The following PRDM9 variants were observed in gnomAD, a reference collection of about 807,000 sequenced individuals.
The protein encoded by PRDM9 is PR/SET domain 9, also known as histone-lysine N-methyltransferase PRDM9.
In PRDM9, 47 loss-of-function variants were observed where a neutral mutation model predicts 55.6. The ratio of observed to expected loss-of-function variants is 0.85; its 90% CI spans 0.67 to 1.08. PRDM9 has a LOEUF of 1.08. PRDM9 is among the 50% of genes least tolerant of loss of function. PRDM9 has a pLI of 0.00. For synonymous variants in PRDM9, 312 were observed against 375.7 expected (o/e 0.83, Z 1.96); for missense variants, 867 against 1,040.3 (o/e 0.83, Z 2.29).
At chr5:23,510,177 C>T in intron 4 of PRDM9, 150 bp downstream of exon 4, 1 of 817,298 alleles carries the variant, frequency 1.2e-6, no homozygotes, top group South Asian at 1.7e-5. Context: ...GCCTCAGCCT[C>T]CCAAGTAACT....
rs375229073 is a variant in PRDM9, at chr5:23,527,685, G to T, written c.2597G>T (p.Gly866Val). Residue 866 changes from glycine to valine, a missense_variant, in exon 11 of 11, where the codon GGG becomes GTG. Around this residue, in one of 5 missense-constraint regions of PRDM9, gnomAD observed 86 missense variants for 73.6 expected, o/e 1.17. Coordinates refer to ENST00000296682, the MANE Select transcript of PRDM9 (RefSeq NM_020227.4). ...AAGCCCTACGTCTGCAGGGAGTGTGGGCGGGGCTTTAGCGATAGGTCAAGC... is the reference window on the plus strand; with the variant it reads ...AAGCCCTACGTCTGCAGGGAGTGTGTGCGGGGCTTTAGCGATAGGTCAAGC... ...GEKPYVCREC[G>V]RGFSDRSSLC... The T allele has an allele frequency of 1.3e-6, 2 of 1,583,608 alleles. No homozygotes were observed. The highest frequency in any genetic ancestry group is 1.7e-6 in the Non-Finnish European group (2 of 1,165,092).
chr5:23,518,022 C>A, intron 5 of PRDM9, 92 bp downstream of exon 5: 1 of 1,159,184 alleles, frequency 8.6e-7, no homozygotes, highest in Non-Finnish European at 1.3e-6. Context: ...ATCATAGGAA[C>A]TAATGCCTTC....
rs780451257 is a variant in PRDM9 at position 23,527,476 on chromosome 5, G to T, written c.2388G>T (p.Arg796Ser). ...RDKSNLLSHQ[R>S]THTGEKPYVC... ...AGTCAAACCTCCTCAGTCACCAGAG[G>T]ACACACACAGGGGAGAAGCCCTATG... Residue 796 changes from arginine to serine, a missense_variant, in exon 11 of 11, where the codon AGG becomes AGT. Physicochemically the swap from Arg to Ser is moderately radical, Grantham distance 110. Around this residue, in one of 5 missense-constraint regions of PRDM9, gnomAD observed 92 missense variants for 185.7 expected, o/e 0.50. Transcript: ENST00000296682. 1 of 1,586,388 alleles carries T rather than the reference G, an allele frequency of 6.3e-7. No homozygotes were observed. The highest frequency in any genetic ancestry group is 1.5e-5 in the African/African-American group (1 of 66,714).
Position 23,527,746 on chromosome 5 carries a change from G to A in PRDM9, c.2658G>A (p.Lys886=), listed in dbSNP as rs1739505371. Residue 886 remains lysine (K), a synonymous_variant, in exon 11 of 11, where the codon AAG becomes AAA. Transcript: ENST00000296682. ...CYHQRTHTGE[K]PYVCREDE is the part of the protein sequence containing the mutation. Reference sequence around the variant, plus strand: ...ACCAGAGGACACACACAGGGGAGAAGCCCTACGTCTGCAGGGAGGATGAGT... The same window carrying A: ...ACCAGAGGACACACACAGGGGAGAAACCCTACGTCTGCAGGGAGGATGAGT... The A allele has an allele frequency of 1.2e-6, 2 of 1,613,786 alleles. No individual in the cohort carries two copies. The highest frequency in any genetic ancestry group is 1.7e-6 in the Non-Finnish European group (2 of 1,179,832).
intron 7 of PRDM9, 55 bp downstream of exon 7, chr5:23,522,460 A>T (rs985344069): frequency 6.3e-7 from 1 of 1,586,040 alleles, no homozygotes; most frequent in African/African-American, 1.3e-5. Flanking sequence ...TGGTGCAATA[A>T]TTTCATCATT....
At position 23,521,003 on chromosome 5, in the gene PRDM9, A is replaced by G. The variant is rs1739315997; in HGVS notation, c.352-20A>G. 1 of 1,613,304 alleles carries G rather than the reference A, an allele frequency of 6.2e-7. No homozygotes were observed. Among genetic ancestry groups the G allele is most frequent in the Non-Finnish European group, 8.5e-7 (1 of 1,179,238 alleles). ...AAAGAAATTCGTGTTGTCTTTTAAT[A>G]TGTGACTCTCACATTAAAGGGAATG... On this transcript the variant is annotated intron_variant, in intron 5 of 10. Coordinates refer to ENST00000296682, the MANE Select transcript of PRDM9 (RefSeq NM_020227.4).
At chr5:23,513,065 G>A (rs1739132010) in intron 4 of PRDM9, among the ~76,000 whole-genome samples, 1 of 152,108 alleles carries the variant, frequency 6.6e-6, no homozygotes, top group African/African-American at 2.4e-5. Context: ...TGTCTATTGT[G>A]AGTAATGCTG....
At position 23,527,710 on chromosome 5, in the gene PRDM9, C is replaced by A. The variant is rs376505927; in HGVS notation, c.2622C>A (p.Ser874Arg). The A allele has an allele frequency of 2.5e-6, 4 of 1,598,656 alleles. No individual in the cohort carries two copies. The highest frequency in any genetic ancestry group is 3.4e-6 in the Non-Finnish European group (4 of 1,172,136). Residue 874 changes from serine (S) to arginine (R), a missense_variant, in exon 11 of 11, where the codon AGC becomes AGA. Ser to Arg is a moderately radical substitution (Grantham distance 110). Around this residue, in one of 5 missense-constraint regions of PRDM9, gnomAD observed 86 missense variants for 73.6 expected, o/e 1.17. Coordinates refer to ENST00000296682, the MANE Select transcript of PRDM9 (RefSeq NM_020227.4). ...ECGRGFSDRS[S>R]LCYHQRTHTG... is the part of the protein sequence containing the mutation. Reference sequence around the variant, plus strand: ...GGCGGGGCTTTAGCGATAGGTCAAGCCTCTGCTATCACCAGAGGACACACA... The same window carrying A: ...GGCGGGGCTTTAGCGATAGGTCAAGACTCTGCTATCACCAGAGGACACACA...
intron 4 of PRDM9, 120 bp from the exon 5 acceptor site, chr5:23,517,761 T>C: frequency 9.9e-7 from 1 of 1,011,606 alleles, no homozygotes; most frequent in Non-Finnish European, 1.5e-6. Flanking sequence ...CACTCCAGCC[T>C]GGGCGACAGA....
intron 6 of PRDM9, among the ~76,000 whole-genome samples, chr5:23,521,540 G>A (rs1456448857): frequency 1.3e-5 from 2 of 152,172 alleles, no homozygotes; most frequent in African/African-American, 4.8e-5. Context: ...GTTTCACCTT[G>A]TTGACCAGGC....
At chr5:23,522,476 C>T in intron 7 of PRDM9, 71 bp downstream of exon 7, 2 of 1,585,710 alleles carry the variant, frequency 1.3e-6, no homozygotes, top group Non-Finnish European at 1.7e-6. Flanking sequence ...TCATTTGGCC[C>T]ACAAATCATT....
chr5:23,521,584 C>T (rs930611931), intron 6 of PRDM9, among the ~76,000 whole-genome samples: 3 of 152,174 alleles, frequency 2.0e-5, no homozygotes, highest in African/African-American at 7.2e-5. Context: ...GAGATCTGCT[C>T]ACTTCAGCCT....
At position 23,522,719 on chromosome 5, in the gene PRDM9, C is replaced by A. The variant is rs1418547546; in HGVS notation, c.716C>A (p.Ala239Asp). The A allele has an allele frequency of 1.2e-6, 2 of 1,614,236 alleles. No individual in the cohort carries two copies. The highest frequency in any genetic ancestry group is 1.1e-5 in the South Asian group (1 of 91,088). The stretch of plus-strand genomic sequence containing the variant: ...GACAAGGGGCACCCCAACCGTTCAG[C>A]CCTCAGTCTGCCCCCAGGGCTGAGA... ...AVDKGHPNRS[A>D]LSLPPGLRIG... is the part of the protein sequence containing the mutation. The change falls in exon 8 of 11, where the codon GCC becomes GAC. Residue 239 changes from alanine to aspartate, a missense_variant. By Grantham distance (126) the Ala-to-Asp change is moderately radical. Around this residue, in one of 5 missense-constraint regions of PRDM9, gnomAD observed 662 missense variants for 711.9 expected, o/e 0.93. Transcript: ENST00000296682.
chr5:23,526,407 A>G lies in PRDM9; in HGVS notation c.1319A>G (p.Gln440Arg). 1 of 1,614,206 alleles carries G rather than the reference A, an allele frequency of 6.2e-7. No individual in the cohort carries two copies. Among genetic ancestry groups the G allele is most frequent in the Non-Finnish European group, 8.5e-7 (1 of 1,180,038 alleles). The part of the protein sequence containing the change: ...PCPGDQNQEQ[Q>R]YPDPHSRNDK... Reference sequence around the variant, plus strand: ...CCAGGGGATCAGAATCAGGAGCAGCAATATCCAGATCCACACAGCCGTAAT... The same window carrying G: ...CCAGGGGATCAGAATCAGGAGCAGCGATATCCAGATCCACACAGCCGTAAT... Residue 440 changes from glutamine to arginine, a missense_variant, in exon 11 of 11, where the codon CAA becomes CGA. Around this residue, in one of 5 missense-constraint regions of PRDM9, gnomAD observed 662 missense variants for 711.9 expected, o/e 0.93. Transcript: ENST00000296682.
intron 3 of PRDM9, 49 bp from the exon 4 acceptor site, chr5:23,509,871 C>T (rs1233983426): frequency 1.2e-6 from 2 of 1,601,362 alleles, no homozygotes; most frequent in African/African-American, 2.7e-5. Flanking sequence ...GCCCTTTGTT[C>T]CTTCTCCCAG....
intron 1 of PRDM9, among the ~76,000 whole-genome samples, 185 bp from the exon 2 acceptor site, chr5:23,508,765 T>A (rs2126404406): frequency 6.6e-6 from 1 of 152,242 alleles, no homozygotes; most frequent in Middle Eastern, 3.4e-3. Context: ...CATTAGGTGG[T>A]AGCTCATGGC....
In PRDM9 at chr5:23,521,129, C is replaced by T. The variant is rs1739319076; in HGVS notation, c.458C>T (p.Ser153Phe). Residue 153 changes from serine (S) to phenylalanine (F), a missense_variant, in exon 6 of 11, where the codon TCC becomes TTC. Around this residue, in one of 5 missense-constraint regions of PRDM9, gnomAD observed 662 missense variants for 711.9 expected, o/e 0.93. Transcript: ENST00000296682. ...SGSEQAQKPV[S>F]PSGEASTSGQ... ...TCAGAGCAGGCTCAGAAACCAGTGTCCCCTTCTGGAGAAGCAAGTACCTCT... is the reference window on the plus strand; with the variant it reads ...TCAGAGCAGGCTCAGAAACCAGTGTTCCCTTCTGGAGAAGCAAGTACCTCT... 6.2e-7 allele frequency: 1 copy of T among 1,613,850 alleles called. No individual in the cohort carries two copies. Among genetic ancestry groups the T allele is most frequent in the South Asian group, 1.1e-5 (1 of 91,076 alleles).
intron 3 of PRDM9, 141 bp downstream of exon 3, chr5:23,509,734 C>A (rs1739052861): frequency 1.3e-6 from 2 of 1,523,614 alleles, no homozygotes; most frequent in Admixed American, 1.8e-5. Flanking sequence ...AAATTTTGTT[C>A]TTTTGCGTCA....
In PRDM9 at chr5:23,523,346, C is replaced by T; in HGVS notation, c.938C>T (p.Ala313Val). Residue 313 changes from alanine (A) to valine (V), a missense_variant, in exon 9 of 11, where the codon GCC (alanine) becomes GTC (valine). This residue lies in a region of PRDM9 where 662 missense variants were observed against 711.9 expected (regional missense o/e 0.93). Transcript: ENST00000296682. ...EYVDGKDKSW[A>V]NWMRYVNCAR... is the part of the protein sequence containing the mutation. ...GTGGATGGAAAAGATAAATCCTGGG[C>T]CAACTGGATGAGGTAAGGCCAGTAG... is the stretch of plus-strand genomic sequence containing the variant. 1 of 1,613,248 alleles carries T rather than the reference C, an allele frequency of 6.2e-7. No homozygotes were observed. The highest frequency in any genetic ancestry group is 8.5e-7 in the Non-Finnish European group (1 of 1,179,258).
Sources: gnomAD v4.1 joint callset for allele counts (sites outside exome capture counted in the v4.1 genomes callset) on GRCh38, gnomAD v4.1.1 for gene constraint, gnomAD v4.1.1 regional missense constraint, MANE v1.5 for transcripts, NCBI Gene and HGNC (gene_info 2026-07-23, HGNC 2026-07-21) for gene names.